PCDH15: variants seen among roughly 807,000 people sequenced by gnomAD.
PCDH15 encodes protocadherin-15.
In PCDH15, 129 loss-of-function variants were observed where a neutral mutation model predicts 178.5. The ratio of observed to expected loss-of-function variants is 0.72; its 90% CI spans 0.63 to 0.84. The LOEUF is 0.84. Ranked by LOEUF, PCDH15 falls within the 40% of genes least tolerant of loss-of-function variation. The probability of loss-of-function intolerance (pLI) is 0.00; values close to 1 mark genes in which losing one functional copy is unlikely to be tolerated. For synonymous variants in PCDH15, 800 were observed against 732.0 expected (o/e 1.09, Z -1.50); for missense variants, 2,230 against 2,099.9 (o/e 1.06, Z -1.21).
At chr10:54,213,872 G>T in intron 10 of PCDH15, 64 bp downstream of exon 10, 2 of 1,046,180 alleles carry the variant, frequency 1.9e-6, no homozygotes, top group Non-Finnish European at 3.0e-6. Flanking sequence ...CTACAGTAGC[G>T]TCTACAGATT....
At position 53,821,899 on chromosome 10, in the gene PCDH15, C is replaced by T; in HGVS notation, c.4368-1669G>A. 1 of 1,613,524 alleles carries T rather than the reference C, an allele frequency of 6.2e-7. No homozygotes were observed. Among genetic ancestry groups the T allele is most frequent in the African/African-American group, 1.3e-5 (1 of 74,980 alleles). Reference sequence around the variant, plus strand: ...TGACTGTGAGATTGTTTTTCAGTTCCCTCGACAATATTGTTCAAACTCCCC... The same window carrying T: ...TGACTGTGAGATTGTTTTTCAGTTCTCTCGACAATATTGTTCAAACTCCCC... On this transcript the variant is annotated intron_variant, in intron 32 of 37. Transcript: ENST00000644397.
Position 55,217,257 on chromosome 10 carries a change from C to T in PCDH15, c.-155-50606G>A, listed in dbSNP as rs148404974. ...ATGGTTACTTTTATCTCTTACTCAC[C>T]GAAAACATATCAATAGATAGGGAAA... On this transcript the variant is annotated intron_variant, in intron 1 of 5. Transcript: ENST00000458638. Among the ~76,000 whole-genome samples the T allele has an allele frequency of 9.2e-5, 14 of 151,678 alleles. 1 individual carries two copies. The East Asian group carries it at 1.7e-3, about 19-fold the overall frequency.
chr10:55,141,069 C>T (rs1004585585), intron 2 of PCDH15, among the ~76,000 whole-genome samples: 1 of 151,856 alleles, frequency 6.6e-6, no homozygotes, highest in Admixed American at 6.6e-5. Context: ...GTTCACCCAC[C>T]TCCTTGAGTC....
intron 28 of PCDH15, among the ~76,000 whole-genome samples, chr10:53,842,371 C>T (rs1443013517): frequency 6.6e-6 from 1 of 152,098 alleles, no homozygotes; most frequent in Non-Finnish European, 1.5e-5. Flanking sequence ...ATTCTCCTGT[C>T]TCACGCCTGG....
intron 1 of PCDH15, among the ~76,000 whole-genome samples, chr10:54,722,130 C>G (rs1941721683): frequency 6.6e-6 from 1 of 151,784 alleles, no homozygotes; most frequent in African/African-American, 2.4e-5. Context: ...ATGATTATCT[C>G]AAGAGATGCA....
intron 1 of PCDH15, among the ~76,000 whole-genome samples, chr10:55,220,607 T>C (rs1251133093): frequency 6.6e-6 from 1 of 152,076 alleles, no homozygotes; most frequent in Admixed American, 6.5e-5. Context: ...CATGTTACTA[T>C]ACTAAATGTT....
chr10:54,599,983 A>T, intron 2 of PCDH15: 1 of 1,264,272 alleles, frequency 7.9e-7, no homozygotes, highest in Non-Finnish European at 1.1e-6. Flanking sequence ...AGCCAAGTCT[A>T]CTGTGCCAAA....
intron 2 of PCDH15, among the ~76,000 whole-genome samples, chr10:55,044,088 C>T (rs151188059): frequency 3.5e-4 from 54 of 152,252 alleles, no homozygotes; most frequent in African/African-American, 1.3e-3. Flanking sequence ...GGAACTTCAA[C>T]ACCTGTATAG....
intron 3 of PCDH15, among the ~76,000 whole-genome samples, chr10:54,485,968 T>C (rs2079070194): frequency 2.0e-5 from 3 of 151,482 alleles, no homozygotes; most frequent in African/African-American, 7.3e-5. Context: ...GAAAAGATGT[T>C]TAAGTAACTT....
intron 9 of PCDH15, among the ~76,000 whole-genome samples, chr10:54,225,304 T>C (rs2053312952): frequency 6.6e-6 from 1 of 152,212 alleles, no homozygotes; most frequent in Non-Finnish European, 1.5e-5. Context: ...TCATATCTGT[T>C]ATTTAAACAT....
Position 54,950,100 on chromosome 10 carries a change from T to C in PCDH15, c.-79-52600A>G, listed in dbSNP as rs565820755. On this transcript the variant is annotated intron_variant, in intron 2 of 5. Transcript: ENST00000458638. ...CTATTATCTCGATACCAATTTACTA[T>C]ATTAGTCCATTTTCCCACTGCTGTA... 4.6e-5 allele frequency among the ~76,000 whole-genome samples: 7 copies of C among 152,020 alleles called. No individual in the cohort carries two copies. The South Asian group carries it at 1.2e-3, about 27-fold the overall frequency.
chr10:55,365,653 G>A (rs1845337438), intron 2 of PCDH15, among the ~76,000 whole-genome samples: 1 of 100,786 alleles, frequency 9.9e-6, no homozygotes, highest in Non-Finnish European at 2.1e-5. Context: ...TGAGTACCAC[G>A]AGATATATGG....
chr10:54,635,847 G>A (rs1164399795), intron 2 of PCDH15, among the ~76,000 whole-genome samples: 1 of 151,698 alleles, frequency 6.6e-6, no homozygotes, highest in East Asian at 1.9e-4. Context: ...TGACCTCCAC[G>A]AGTTCACTTT....
At chr10:54,102,623 G>A (rs1438414968) in intron 15 of PCDH15, among the ~76,000 whole-genome samples, 1 of 152,178 alleles carries the variant, frequency 6.6e-6, no homozygotes, top group African/African-American at 2.4e-5. Flanking sequence ...ATGTGATACT[G>A]TTTTTGATTT....
intron 2 of PCDH15, among the ~76,000 whole-genome samples, chr10:55,422,363 T>A (rs1179895747): frequency 6.6e-6 from 1 of 151,830 alleles, no homozygotes; most frequent in Non-Finnish European, 1.5e-5. Context: ...GAGTTGTGCA[T>A]GAGAAACCAT....
chr10:55,005,297 C>G (rs1300679231), intron 2 of PCDH15, among the ~76,000 whole-genome samples: 1 of 151,388 alleles, frequency 6.6e-6, no homozygotes, highest in Non-Finnish European at 1.5e-5. Flanking sequence ...ATGTGGCCAC[C>G]ACCCTCCAAT....
intron 3 of PCDH15, among the ~76,000 whole-genome samples, chr10:54,491,391 G>T (rs1034886497): frequency 6.6e-6 from 1 of 150,814 alleles, no homozygotes; most frequent in Admixed American, 6.6e-5. Flanking sequence ...GTTAACAACT[G>T]GAAAATTCTG....
chr10:54,057,058 T>C (rs1352281868), intron 18 of PCDH15, among the ~76,000 whole-genome samples: 1 of 152,206 alleles, frequency 6.6e-6, no homozygotes, highest in East Asian at 1.9e-4. Context: ...TTTGGGCAGC[T>C]CCACCCCTGT....
intron 2 of PCDH15, among the ~76,000 whole-genome samples, chr10:55,009,339 G>A (rs551078625): frequency 2.6e-5 from 4 of 151,952 alleles, no homozygotes; most frequent in East Asian, 3.9e-4. Flanking sequence ...TGAAAAGTTC[G>A]AAGGTTATAA....
Sources: gnomAD v4.1 joint callset for allele counts (sites outside exome capture counted in the v4.1 genomes callset) on GRCh38, gnomAD v4.1.1 for gene constraint, MANE v1.5 for transcripts, NCBI Gene and HGNC (gene_info 2026-07-23, HGNC 2026-07-21) for gene names.